ANKFN1: variants seen among roughly 807,000 people sequenced by gnomAD.
ANKFN1 encodes ankyrin repeat and fibronectin type-III domain-containing protein 1.
In ANKFN1, 74 loss-of-function variants were observed where a neutral mutation model predicts 108.7. The observed-to-expected ratio is 0.68, with a 90% confidence interval of 0.56 to 0.83. The LOEUF is 0.83. Ranked by LOEUF, ANKFN1 falls within the 40% of genes least tolerant of loss-of-function variation. ANKFN1 has a pLI of 0.00. For synonymous variants in ANKFN1, 547 were observed against 516.2 expected (o/e 1.06, Z -0.81); for missense variants, 1,505 against 1,382.3 (o/e 1.09, Z -1.41).
intron 20 of ANKFN1, among the ~76,000 whole-genome samples, chr17:56,508,035 T>A (rs2051624530): frequency 6.6e-6 from 1 of 152,256 alleles, no homozygotes; most frequent in Non-Finnish European, 1.5e-5. Context: ...AAATAACTGT[T>A]CCATAAACAT....
chr17:56,440,437 A>G lies in ANKFN1; in HGVS notation c.1008+13A>G, dbSNP rs1598613373. On this transcript the variant is annotated intron_variant, in intron 9 of 20. Coordinates refer to ENST00000682825, the MANE Select transcript of ANKFN1 (RefSeq NM_001370326.1). ...AGGACTTACAATGGTAAATGTCCCC[A>G]GTAGACTTTTCATTTCCCTATTGCT... is the stretch of plus-strand genomic sequence containing the variant. The G allele has an allele frequency of 1.3e-6, 2 of 1,592,220 alleles. No homozygotes were observed. The highest frequency in any genetic ancestry group is 2.2e-5 in the East Asian group (1 of 44,738).
intron 1 of ANKFN1, among the ~76,000 whole-genome samples, chr17:56,154,177 G>A (rs572668916): frequency 1.3e-5 from 2 of 152,138 alleles, no homozygotes; most frequent in Non-Finnish European, 1.5e-5. Flanking sequence ...GACCTCAAAT[G>A]TGCCTTTGGT....
At chr17:56,422,400 G>A (rs1387862141) in intron 8 of ANKFN1, among the ~76,000 whole-genome samples, 1 of 151,694 alleles carries the variant, frequency 6.6e-6, no homozygotes, top group Non-Finnish European at 1.5e-5. Context: ...TCCAGTCCCA[G>A]GCAGCATTTA....
intron 4 of ANKFN1, among the ~76,000 whole-genome samples, chr17:56,339,799 T>C (rs1320565431): frequency 6.6e-6 from 1 of 152,184 alleles, no homozygotes; most frequent in East Asian, 1.9e-4. Context: ...CAATGGTTTA[T>C]ATTCCTTTGG....
chr17:56,212,794 G>A (rs537458354), intron 2 of ANKFN1, among the ~76,000 whole-genome samples, 115 bp downstream of exon 2: 13 of 152,276 alleles, frequency 8.5e-5, no homozygotes, highest in African/African-American at 2.6e-4. Context: ...ACCCAAAGGC[G>A]CAAACCACTC....
chr17:56,060,747 A>G (rs1481921731), intron 4 of ANKFN1, among the ~76,000 whole-genome samples: 2 of 152,174 alleles, frequency 1.3e-5, no homozygotes, highest in Non-Finnish European at 2.9e-5. Context: ...TGATTTGTGT[A>G]TGTTGAACCA....
At chr17:56,486,402 G>A (rs1043298057) in intron 18 of ANKFN1, among the ~76,000 whole-genome samples, 1 of 152,136 alleles carries the variant, frequency 6.6e-6, no homozygotes. Context: ...TATTGTACTT[G>A]AGCACCACCA....
chr17:56,154,879 A>T (rs1001198689), intron 1 of ANKFN1, among the ~76,000 whole-genome samples: 8 of 152,174 alleles, frequency 5.3e-5, no homozygotes, highest in Admixed American at 2.6e-4. Context: ...TGGTCAGAAG[A>T]CTTAGGCTCT....
intron 3 of ANKFN1, among the ~76,000 whole-genome samples, chr17:56,321,364 C>CG (rs1555628734): frequency 6.6e-6 from 1 of 150,888 alleles, no homozygotes; most frequent in Non-Finnish European, 1.5e-5. Flanking sequence ...GATTAGGGAA[C>CG]GGAAGTAGGC....
intron 8 of ANKFN1, among the ~76,000 whole-genome samples, chr17:56,433,440 G>A (rs1333277620): frequency 6.6e-6 from 1 of 151,912 alleles, no homozygotes; most frequent in African/African-American, 2.4e-5. Context: ...AAGAAACTGT[G>A]AGATATACAT....
At chr17:56,413,333 T>C (rs1390989745) in intron 8 of ANKFN1, among the ~76,000 whole-genome samples, 1 of 152,164 alleles carries the variant, frequency 6.6e-6, no homozygotes, top group Non-Finnish European at 1.5e-5. Context: ...GCCAAGATTA[T>C]GGGGTTTCCT....
chr17:56,452,038 C>T (rs760271463), intron 11 of ANKFN1, among the ~76,000 whole-genome samples: 1 of 152,178 alleles, frequency 6.6e-6, no homozygotes, highest in Non-Finnish European at 1.5e-5. Flanking sequence ...GTTAAGCAAG[C>T]TTCATTGTTC....
chr17:56,425,154 T>C (rs1238846852), intron 8 of ANKFN1, among the ~76,000 whole-genome samples: 1 of 151,572 alleles, frequency 6.6e-6, no homozygotes, highest in Non-Finnish European at 1.5e-5. Flanking sequence ...GTAGCTGAAC[T>C]CCAGTATTCA....
At chr17:56,386,914 G>T (rs1271831751) in intron 8 of ANKFN1, among the ~76,000 whole-genome samples, 1 of 151,956 alleles carries the variant, frequency 6.6e-6, no homozygotes, top group Admixed American at 6.6e-5. Context: ...ATTGTATCAT[G>T]ATTTTACTAT....
At chr17:56,049,710 AG>A (rs1904741480) in intron 4 of ANKFN1, among the ~76,000 whole-genome samples, 1 of 149,470 alleles carries the variant, frequency 6.7e-6, no homozygotes. Flanking sequence ...GTCCCTACAA[AG>A]GACATGAACT....
At chr17:56,431,252 T>C (rs886157515) in intron 8 of ANKFN1, among the ~76,000 whole-genome samples, 1 of 152,168 alleles carries the variant, frequency 6.6e-6, no homozygotes, top group Non-Finnish European at 1.5e-5. Flanking sequence ...GTTAAATGGA[T>C]AGAATTACTA....
chr17:56,160,739 G>A (rs16956812), intron 1 of ANKFN1, among the ~76,000 whole-genome samples: 3,288 of 152,292 alleles, frequency 0.022, 127 homozygotes, highest in African/African-American at 0.075. Context: ...AATGAATCCC[G>A]TGGAAGATGC....
At chr17:56,377,961 T>C (rs897148741) in intron 8 of ANKFN1, among the ~76,000 whole-genome samples, 2 of 152,204 alleles carry the variant, frequency 1.3e-5, no homozygotes, top group South Asian at 2.1e-4. Flanking sequence ...TTCTGGGTGG[T>C]ATCCTTGCCC....
chr17:56,108,096 G>A (rs982504274), intron 4 of ANKFN1, among the ~76,000 whole-genome samples: 15 of 152,234 alleles, frequency 9.9e-5, no homozygotes, highest in African/African-American at 3.6e-4. Flanking sequence ...GTGCAGTGGT[G>A]TGATCTCAGC....
Sources: gnomAD v4.1 joint callset for allele counts (sites outside exome capture counted in the v4.1 genomes callset) on GRCh38, gnomAD v4.1.1 for gene constraint, MANE v1.5 for transcripts, NCBI Gene and HGNC (gene_info 2026-07-23, HGNC 2026-07-21) for gene names.